The following DSCAM variants were observed in gnomAD, a reference collection of about 807,000 sequenced individuals.
DSCAM encodes the protein DS cell adhesion molecule.
DSCAM carries 47 observed loss-of-function variants against 217.7 expected under a neutral mutation model. The observed-to-expected ratio is 0.22, with a 90% CI of 0.17 to 0.28. The LOEUF (loss-of-function observed/expected upper bound fraction) is 0.28, where lower values mean the gene tolerates loss of function less well. Among genes scored for constraint, DSCAM ranks in the 10% least tolerant of loss-of-function variants. The pLI is 1.00. For synonymous variants in DSCAM, 1,056 were observed against 1,015.3 expected, an observed-to-expected ratio of 1.04 and a Z score of -0.76; for missense variants, 2,080 against 2,618.3, an observed-to-expected ratio of 0.79 and a Z score of 4.49.
intron 2 of DSCAM, among the ~76,000 whole-genome samples, chr21:40,700,043 TA>T (rs2090638954): frequency 6.6e-6 from 1 of 152,222 alleles, no homozygotes; most frequent in Admixed American, 6.5e-5. Context: ...TGTTAAGGGT[TA>T]ATGCAGCTGA....
chr21:40,727,813 C>G (rs1273675135), intron 1 of DSCAM, among the ~76,000 whole-genome samples: 4 of 152,192 alleles, frequency 2.6e-5, no homozygotes, highest in African/African-American at 7.2e-5. Context: ...AAAAGCCTAT[C>G]TTCCTACAGG....
At position 40,755,683 on chromosome 21, in the gene DSCAM, C is replaced by A. The variant is rs1423303033; in HGVS notation, c.44-46912G>T. 2.0e-5 allele frequency among the ~76,000 whole-genome samples: 3 copies of A among 152,078 alleles called. No individual in the cohort carries two copies. In the East Asian group the frequency reaches 5.8e-4, roughly 29 times the overall value. On this transcript the variant is annotated intron_variant, in intron 1 of 32. Transcript: ENST00000400454. The stretch of plus-strand genomic sequence containing the variant: ...GGACTGAGGTAGCACCCTGGCCCCC[C>A]AAGGTATAGGCGAGTTGTGTAGGGG...
chr21:40,493,587 C>T (rs1351721229), intron 3 of DSCAM, among the ~76,000 whole-genome samples: 3 of 152,008 alleles, frequency 2.0e-5, no homozygotes, highest in African/African-American at 7.2e-5. Flanking sequence ...ACTGGCTGGG[C>T]ATGGTGGCTC....
Position 40,359,741 on chromosome 21 carries a change from G to A in DSCAM, c.656-5998C>T, listed in dbSNP as rs554719637. On this transcript the variant is annotated intron_variant, in intron 4 of 32. Coordinates refer to ENST00000400454, the MANE Select transcript of DSCAM (RefSeq NM_001389.5). ...AATTTATGTGAAATATCCAGAAAAT[G>A]CAACTCTACAGAGACAGACCATAGA... 9.2e-5 allele frequency among the ~76,000 whole-genome samples: 14 copies of A among 152,330 alleles called. No individual in the cohort carries two copies. In the East Asian group the frequency reaches 2.1e-3, roughly 23 times the overall value.
intron 3 of DSCAM, among the ~76,000 whole-genome samples, chr21:40,537,341 C>T (rs190234468): frequency 1.9e-4 from 29 of 152,264 alleles, no homozygotes; most frequent in Admixed American, 1.6e-3. Flanking sequence ...ATCGGTGCTG[C>T]CTTCTCCTCT....
At chr21:40,187,721 C>A (rs56881727) in intron 13 of DSCAM, among the ~76,000 whole-genome samples, 170 bp downstream of exon 13, 10,706 of 152,110 alleles carry the variant, frequency 0.07, 1,184 homozygotes, top group African/African-American at 0.24. Context: ...TGACATAATC[C>A]CAGGCACTGC....
chr21:40,489,889 T>C (rs2076062654), intron 3 of DSCAM, among the ~76,000 whole-genome samples: 1 of 150,842 alleles, frequency 6.6e-6, no homozygotes, highest in Non-Finnish European at 1.5e-5. Context: ...ATCAAAGATA[T>C]ATTATTCAGT....
At chr21:40,401,280 G>A (rs976057264) in intron 3 of DSCAM, among the ~76,000 whole-genome samples, 5 of 152,138 alleles carry the variant, frequency 3.3e-5, no homozygotes, top group African/African-American at 1.2e-4. Flanking sequence ...CACACTTTAT[G>A]GGAATACATT....
intron 21 of DSCAM, among the ~76,000 whole-genome samples, chr21:40,088,250 G>A (rs2089558943): frequency 1.3e-5 from 2 of 152,156 alleles, no homozygotes; most frequent in Admixed American, 1.3e-4. Context: ...ATAGGTGGAA[G>A]GCAGCCTTGA....
chr21:40,172,834 G>A (rs559747261), intron 15 of DSCAM, among the ~76,000 whole-genome samples: 2 of 152,302 alleles, frequency 1.3e-5, no homozygotes, highest in Non-Finnish European at 2.9e-5. Context: ...GTAGTGAGGA[G>A]CAGCTGCATA....
chr21:40,502,205 T>G (rs1796695534), intron 3 of DSCAM, among the ~76,000 whole-genome samples: 1 of 152,190 alleles, frequency 6.6e-6, no homozygotes, highest in African/African-American at 2.4e-5. Flanking sequence ...ACTAATATTT[T>G]CAAAATCACA....
intron 11 of DSCAM, among the ~76,000 whole-genome samples, chr21:40,267,632 T>A (rs1054868362): frequency 2.0e-5 from 3 of 152,154 alleles, no homozygotes; most frequent in African/African-American, 4.8e-5. Flanking sequence ...TGTGGTGGCT[T>A]ACACCTGTAA....
chr21:40,594,171 A>G (rs1485810358), intron 3 of DSCAM, among the ~76,000 whole-genome samples: 1 of 152,210 alleles, frequency 6.6e-6, no homozygotes, highest in Non-Finnish European at 1.5e-5. Flanking sequence ...TTATTGGGAT[A>G]AAGTCAAAAA....
At chr21:40,717,798 T>C (rs1474957728) in intron 1 of DSCAM, among the ~76,000 whole-genome samples, 1 of 152,232 alleles carries the variant, frequency 6.6e-6, no homozygotes, top group East Asian at 1.9e-4. Context: ...TTTTATGGTA[T>C]CTAAATTATA....
At chr21:40,723,029 T>C (rs1259577784) in intron 1 of DSCAM, among the ~76,000 whole-genome samples, 1 of 151,114 alleles carries the variant, frequency 6.6e-6, no homozygotes, top group East Asian at 1.9e-4. Context: ...GCAAATCTGC[T>C]GGAATTAAAG....
rs559495224 is a variant in DSCAM, at chr21:40,379,597, TC to T, written c.509-10353del. ...TCTCTTCCTGAACTTCTGTGATAAT[TC>T]CCCATTTCACACATAATTGCATCAG... On this transcript the variant is annotated intron_variant, in intron 3 of 32. Coordinates refer to ENST00000400454, the MANE Select transcript of DSCAM (RefSeq NM_001389.5). Among the ~76,000 whole-genome samples, 9 of 152,278 alleles carry T rather than the reference TC, an allele frequency of 5.9e-5. No individual in the cohort carries two copies. In the South Asian group the frequency reaches 1.9e-3, roughly 32 times the overall value.
intron 11 of DSCAM, among the ~76,000 whole-genome samples, chr21:40,245,010 G>C (rs2073204133): frequency 6.6e-6 from 1 of 152,152 alleles, no homozygotes; most frequent in Admixed American, 6.5e-5. Flanking sequence ...GAGGGAGGGA[G>C]GGATGCTCCT....
At chr21:40,547,625 G>GTT (rs2076594059) in intron 3 of DSCAM, among the ~76,000 whole-genome samples, 1 of 152,162 alleles carries the variant, frequency 6.6e-6, no homozygotes, top group African/African-American at 2.4e-5. Context: ...GCCCTCCTGA[G>GTT]TTTCCTGCAC....
intron 3 of DSCAM, among the ~76,000 whole-genome samples, chr21:40,676,283 A>G (rs1306418446): frequency 6.6e-6 from 1 of 152,230 alleles, no homozygotes; most frequent in Non-Finnish European, 1.5e-5. Context: ...TCAGGAAAAT[A>G]CACATGTTCA....
Sources: gnomAD v4.1 joint callset for allele counts (sites outside exome capture counted in the v4.1 genomes callset) on GRCh38, gnomAD v4.1.1 for gene constraint, MANE v1.5 for transcripts, NCBI Gene and HGNC (gene_info 2026-07-23, HGNC 2026-07-21) for gene names.